Variants in OSBPL2 observed in about 807,000 individuals in gnomAD.
OSBPL2 encodes oxysterol binding protein like 2, also known as oxysterol-binding protein-related protein 2.
In OSBPL2, 18 loss-of-function variants were observed where a neutral mutation model predicts 58.4. The ratio of observed to expected loss-of-function variants is 0.31; its 90% CI spans 0.21 to 0.46. The LOEUF (loss-of-function observed/expected upper bound fraction) is 0.46, where lower values mean the gene tolerates loss of function less well. Among genes scored for constraint, OSBPL2 ranks in the 20% least tolerant of loss-of-function variants. The probability of loss-of-function intolerance (pLI) is 1.00; values close to 1 mark genes in which losing one functional copy is unlikely to be tolerated. For missense variants in OSBPL2, 461 were observed against 616.5 expected (o/e 0.75, Z 2.67); for synonymous variants, 221 against 234.1 (o/e 0.94, Z 0.51).
At chr20:62,289,431 A>T in intron 12 of OSBPL2, 101 bp downstream of exon 12, 1 of 1,384,648 alleles carries the variant, frequency 7.2e-7, no homozygotes, top group Non-Finnish European at 9.8e-7. Context: ...GCTCTCGCCT[A>T]CAAGGGGAGC....
intron 2 of OSBPL2, among the ~76,000 whole-genome samples, chr20:62,257,437 C>T (rs1017189440): frequency 3.9e-5 from 6 of 152,212 alleles, no homozygotes; most frequent in African/African-American, 7.2e-5. Context: ...TCCATGATTT[C>T]GTAGCTGAAT....
At chr20:62,283,568 A>C (rs767148090) in intron 9 of OSBPL2, among the ~76,000 whole-genome samples, 2 of 152,234 alleles carry the variant, frequency 1.3e-5, no homozygotes, top group Non-Finnish European at 2.9e-5. Context: ...TCAAGCAAGC[A>C]GCATTGACTG....
chr20:62,271,947 T>G (rs1003221888), intron 4 of OSBPL2, among the ~76,000 whole-genome samples, 178 bp from the exon 5 acceptor site: 2 of 152,138 alleles, frequency 1.3e-5, no homozygotes, highest in Non-Finnish European at 2.9e-5. Flanking sequence ...TGATGGCAGC[T>G]GAGGCTCACA....
chr20:62,265,644 C>G (rs1311945766), intron 4 of OSBPL2, among the ~76,000 whole-genome samples: 1 of 152,184 alleles, frequency 6.6e-6, no homozygotes, highest in Non-Finnish European at 1.5e-5. Context: ...GCATACACAT[C>G]TGTATTTCTG....
chr20:62,258,530 G>A (rs1395177533), intron 2 of OSBPL2, among the ~76,000 whole-genome samples: 4 of 152,222 alleles, frequency 2.6e-5, no homozygotes, highest in Non-Finnish European at 5.9e-5. Flanking sequence ...CGAGGGAGCC[G>A]ACGATAGGAG....
chr20:62,286,161 A>G lies in OSBPL2; in HGVS notation c.997-422A>G, dbSNP rs117028484. The G allele has an allele frequency of 4.0e-3, 706 of 175,736 alleles. 3 individuals carry two copies. The highest frequency in any genetic ancestry group is 6.6e-3 in the Non-Finnish European group (529 of 80,644). The allele number at this position is 175,736 out of a possible 1,614,324, so 10.9% of individuals were successfully genotyped here. A position where few individuals can be genotyped will look rare whatever the true frequency, so the allele number is the denominator to read the frequency against. On this transcript the variant is annotated intron_variant, in intron 10 of 13. Coordinates refer to ENST00000313733, the MANE Select transcript of OSBPL2 (RefSeq NM_144498.4). The stretch of plus-strand genomic sequence containing the variant: ...TTCTATTTTCTCCTTAGTTTAAGAA[A>G]AAAAAGGCCGGGTGTGGTGGCTTAC...
chr20:62,289,630 G>A (rs545829154), intron 12 of OSBPL2, among the ~76,000 whole-genome samples: 16 of 152,332 alleles, frequency 1.1e-4, no homozygotes, highest in Non-Finnish European at 1.5e-4. Flanking sequence ...TAGGCCGAGC[G>A]CGGTGGCTCA....
At chr20:62,279,054 C>G (rs1216087783) in intron 6 of OSBPL2, 103 bp from the exon 7 acceptor site, 3 of 987,878 alleles carry the variant, frequency 3.0e-6, no homozygotes, top group African/African-American at 1.6e-5. Flanking sequence ...TGGAGGGCCC[C>G]TGCTTCCCAG....
chr20:62,275,007 A>C (rs1471398860), intron 6 of OSBPL2, among the ~76,000 whole-genome samples: 4 of 152,174 alleles, frequency 2.6e-5, no homozygotes, highest in African/African-American at 9.7e-5. Flanking sequence ...TTTATAGAAA[A>C]TGTGTAACAT....
At chr20:62,279,089 T>C (rs1374743087) in intron 6 of OSBPL2, 68 bp from the exon 7 acceptor site, 4 of 1,366,544 alleles carry the variant, frequency 2.9e-6, no homozygotes, top group Non-Finnish European at 4.1e-6. Flanking sequence ...CTCCACATGA[T>C]GTCTGAGCTG....
chr20:62,260,171 C>G (rs759991724), intron 3 of OSBPL2, 46 bp downstream of exon 3: 3 of 1,583,494 alleles, frequency 1.9e-6, no homozygotes, highest in African/African-American at 1.4e-5. Context: ...TCTGTAATCA[C>G]CCCAAAAATA....
At chr20:62,279,960 G>A in intron 7 of OSBPL2, 1 of 1,303,826 alleles carries the variant, frequency 7.7e-7, no homozygotes, top group Middle Eastern at 2.1e-4. Flanking sequence ...CCTCTGAGAG[G>A]CTGCTTGCCA....
intron 1 of OSBPL2, among the ~76,000 whole-genome samples, chr20:62,245,796 ATTG>A (rs1980066927): frequency 6.6e-6 from 1 of 152,240 alleles, no homozygotes; most frequent in South Asian, 2.1e-4. Context: ...AAAAAAGGTC[ATTG>A]TTGTGAATGG....
chr20:62,265,289 CTG>C (rs1009881986), intron 4 of OSBPL2, among the ~76,000 whole-genome samples: 4 of 152,122 alleles, frequency 2.6e-5, no homozygotes, highest in Non-Finnish European at 4.4e-5. Flanking sequence ...GTATTTTATT[CTG>C]TGAGTTGAAT....
At chr20:62,276,990 T>A (rs1231171107) in intron 6 of OSBPL2, among the ~76,000 whole-genome samples, 1 of 152,240 alleles carries the variant, frequency 6.6e-6, no homozygotes, top group African/African-American at 2.4e-5. Context: ...GGCTCACGCC[T>A]GTAATCCCAG....
intron 13 of OSBPL2, 103 bp from the exon 14 acceptor site, chr20:62,293,682 G>A (rs1026494742): frequency 6.3e-6 from 6 of 956,390 alleles, no homozygotes; most frequent in Non-Finnish European, 7.6e-6. Context: ...CCACGTTACC[G>A]TGATGGTGCT....
intron 1 of OSBPL2, among the ~76,000 whole-genome samples, chr20:62,249,365 A>C (rs113138532): frequency 1.3e-5 from 2 of 152,080 alleles, no homozygotes; most frequent in African/African-American, 4.8e-5. Flanking sequence ...CAGACAGAAA[A>C]CCCCAGCAAA....
At chr20:62,263,778 G>A (rs774307798) in intron 4 of OSBPL2, 87 bp downstream of exon 4, 11 of 1,251,424 alleles carry the variant, frequency 8.8e-6, no homozygotes, top group Admixed American at 1.7e-5. Flanking sequence ...AAGAAAATGC[G>A]CTCTTGGCCG....
At chr20:62,290,411 GTTTTTTTTTT>G (rs3065795) in intron 12 of OSBPL2, among the ~76,000 whole-genome samples, 2 of 76,376 alleles carry the variant, frequency 2.6e-5, no homozygotes, top group African/African-American at 5.4e-5. Flanking sequence ...AATTTTTTGG[GTTTTTTTTTT>G]TTTTTTTTTT....
Sources: allele counts gnomAD v4.1 joint callset (sites outside exome capture counted in the v4.1 genomes callset), GRCh38; gene constraint gnomAD v4.1.1; transcripts MANE v1.5; gene names NCBI Gene and HGNC (gene_info 2026-07-23, HGNC 2026-07-21).